Variants in PTPRD observed in about 807,000 individuals in gnomAD.
The protein encoded by PTPRD is protein tyrosine phosphatase receptor type D.
Under a neutral mutation model 214.5 loss-of-function variants are expected in PTPRD, and 34 were observed. The observed-to-expected ratio is 0.16, with a 90% CI of 0.12 to 0.21. The LOEUF (loss-of-function observed/expected upper bound fraction) is 0.21. Ranked by LOEUF, PTPRD falls within the 10% of genes least tolerant of loss-of-function variation. The pLI is 1.00. For missense variants in PTPRD, 2,545 were observed against 2,398.7 expected, an observed-to-expected ratio of 1.06 and a Z score of -1.27; for synonymous variants, 1,128 against 845.7, an observed-to-expected ratio of 1.33 and a Z score of -5.79.
At chr9:9,998,129 A>AAATATATAT (rs57991748) in intron 4 of PTPRD, among the ~76,000 whole-genome samples, 45 of 91,460 alleles carry the variant, frequency 4.9e-4, no homozygotes, top group African/African-American at 1.6e-3. Context: ...AAAAAAAAAA[A>AAATATATAT]ATATATATAT....
intron 14 of PTPRD, among the ~76,000 whole-genome samples, chr9:8,624,194 C>T (rs1399266303): frequency 6.6e-6 from 1 of 151,730 alleles, no homozygotes; most frequent in Non-Finnish European, 1.5e-5. Flanking sequence ...GTTAACGTAA[C>T]AATAAGCACA....
chr9:8,777,510 G>T (rs376957123), intron 11 of PTPRD, among the ~76,000 whole-genome samples: 2 of 152,248 alleles, frequency 1.3e-5, no homozygotes, highest in Admixed American at 6.5e-5. Context: ...TCTGTCAAAA[G>T]AAATTTCATA....
At chr9:10,188,463 A>G (rs960091614) in intron 3 of PTPRD, among the ~76,000 whole-genome samples, 1 of 152,146 alleles carries the variant, frequency 6.6e-6, no homozygotes, top group Non-Finnish European at 1.5e-5. Flanking sequence ...AACATCTTAG[A>G]AACTTGTTAA....
intron 11 of PTPRD, among the ~76,000 whole-genome samples, chr9:8,772,419 C>T (rs73425028): frequency 4.6e-5 from 7 of 151,354 alleles, no homozygotes; most frequent in African/African-American, 1.7e-4. Context: ...AAACCTCAAG[C>T]AGAAGAACTG....
intron 7 of PTPRD, among the ~76,000 whole-genome samples, chr9:9,674,372 C>T (rs1422621431): frequency 6.7e-6 from 1 of 149,332 alleles, no homozygotes; most frequent in Non-Finnish European, 1.5e-5. Flanking sequence ...TGATAAAGTG[C>T]AACAATGAAA....
At chr9:10,236,755 C>A (rs1188877544) in intron 3 of PTPRD, among the ~76,000 whole-genome samples, 1 of 151,764 alleles carries the variant, frequency 6.6e-6, no homozygotes, top group East Asian at 1.9e-4. Context: ...TTGAAATAAG[C>A]CTTCATGTTT....
chr9:10,348,030 C>A (rs2097118876), intron 2 of PTPRD, among the ~76,000 whole-genome samples: 1 of 152,072 alleles, frequency 6.6e-6, no homozygotes, highest in African/African-American at 2.4e-5. Context: ...TGCACTCCAG[C>A]CTGGGAAGCA....
intron 9 of PTPRD, among the ~76,000 whole-genome samples, chr9:9,341,213 G>T (rs1228434011): frequency 6.6e-6 from 1 of 151,682 alleles, no homozygotes; most frequent in African/African-American, 2.4e-5. Context: ...GTTTTTCCTG[G>T]CCCCACCAGC....
intron 11 of PTPRD, among the ~76,000 whole-genome samples, chr9:8,789,974 A>C (rs555047955): frequency 6.6e-6 from 1 of 152,150 alleles, no homozygotes; most frequent in Non-Finnish European, 1.5e-5. Flanking sequence ...ACACTATACA[A>C]TACTATACAA....
At chr9:9,712,779 C>T (rs887071868) in intron 7 of PTPRD, among the ~76,000 whole-genome samples, 1 of 152,102 alleles carries the variant, frequency 6.6e-6, no homozygotes, top group African/African-American at 2.4e-5. Flanking sequence ...TATGCCAGAC[C>T]TACCTAAGAA....
At position 8,518,313 on chromosome 9, in the gene PTPRD, G is replaced by T. The variant is rs1377147377; in HGVS notation, c.1078C>A (p.Pro360Thr). Reference sequence around the variant, plus strand: ...TTGTAAAGTTCCTCAGAGTTTTTAGGTTTATGCTGAATTATGTAATAAGAA... The same window carrying T: ...TTGTAAAGTTCCTCAGAGTTTTTAGTTTTATGCTGAATTATGTAATAAGAA... ...PVSYYIIQHK[P>T]KNSEELYKEI... Residue 360 changes from proline to threonine, a missense_variant, in exon 21 of 46, where the codon CCT becomes ACT. Transcript: ENST00000381196. 1 of 1,613,956 alleles carries T rather than the reference G, an allele frequency of 6.2e-7. No individual in the cohort carries two copies. Among genetic ancestry groups the T allele is most frequent in the Non-Finnish European group, 8.5e-7 (1 of 1,180,004 alleles).
chr9:8,401,741 T>C (rs1340386667), intron 36 of PTPRD, among the ~76,000 whole-genome samples: 2 of 152,178 alleles, frequency 1.3e-5, no homozygotes, highest in Non-Finnish European at 2.9e-5. Flanking sequence ...CATCAATCAC[T>C]GCGGCCACTT....
chr9:9,983,322 G>C (rs1487808117), intron 4 of PTPRD, among the ~76,000 whole-genome samples: 1 of 152,204 alleles, frequency 6.6e-6, no homozygotes, highest in Non-Finnish European at 1.5e-5. Context: ...TGGAATCTTA[G>C]TGCAGAGTCA....
At chr9:8,372,250 G>A (rs1047603858) in intron 39 of PTPRD, among the ~76,000 whole-genome samples, 2 of 151,962 alleles carry the variant, frequency 1.3e-5, no homozygotes, top group African/African-American at 4.8e-5. Context: ...AGGTTACGTA[G>A]ATGATATCCA....
chr9:8,468,580 C>A (rs1438608799), intron 31 of PTPRD, among the ~76,000 whole-genome samples: 1 of 151,796 alleles, frequency 6.6e-6, no homozygotes, highest in Non-Finnish European at 1.5e-5. Context: ...GTTTGGAAAG[C>A]CTCTTTCAAT....
chr9:9,970,342 C>T (rs1442712279), intron 4 of PTPRD, among the ~76,000 whole-genome samples: 3 of 146,962 alleles, frequency 2.0e-5, no homozygotes, highest in South Asian at 2.2e-4. Flanking sequence ...CCCAGCTACT[C>T]GGGAGGCTGA....
intron 45 of PTPRD, 114 bp downstream of exon 45, chr9:8,319,717 G>T: frequency 7.7e-7 from 1 of 1,305,160 alleles, no homozygotes; most frequent in South Asian, 1.3e-5. Context: ...TAAACAGTTT[G>T]ATGCTTTCCC....
intron 14 of PTPRD, among the ~76,000 whole-genome samples, chr9:8,530,835 C>T (rs1042123058): frequency 6.6e-6 from 1 of 152,002 alleles, no homozygotes; most frequent in African/African-American, 2.4e-5. Context: ...TGAACAGATG[C>T]AGTTATTGTA....
At chr9:9,593,225 CCT>C (rs1592443515) in intron 7 of PTPRD, among the ~76,000 whole-genome samples, 5 of 149,742 alleles carry the variant, frequency 3.3e-5, no homozygotes, top group East Asian at 2.0e-4. Context: ...TTTTCCCCCC[CCT>C]CAAAGAAAAG....
Sources: gnomAD v4.1 joint callset for allele counts (sites outside exome capture counted in the v4.1 genomes callset) on GRCh38, gnomAD v4.1.1 for gene constraint, MANE v1.5 for transcripts, NCBI Gene and HGNC (gene_info 2026-07-23, HGNC 2026-07-21) for gene names.